The following TBC1D19 variants were observed in gnomAD, a reference collection of about 807,000 sequenced individuals.
TBC1D19 encodes TBC1 domain family member 19.
A neutral mutation model predicts 89.0 loss-of-function variants in TBC1D19; 60 were observed. The ratio of observed to expected loss-of-function variants is 0.67; its 90% confidence interval spans 0.55 to 0.84. The LOEUF (loss-of-function observed/expected upper bound fraction) is 0.84. TBC1D19 is among the 40% of genes least tolerant of loss of function. TBC1D19 has a pLI of 0.00. For missense variants in TBC1D19, 500 were observed against 610.8 expected, an observed-to-expected ratio of 0.82 and a Z score of 1.91; for synonymous variants, 189 against 199.7, an observed-to-expected ratio of 0.95 and a Z score of 0.45.
intron 13 of TBC1D19, among the ~76,000 whole-genome samples, chr4:26,715,862 A>G (rs1716563840): frequency 6.6e-6 from 1 of 152,082 alleles, no homozygotes; most frequent in African/African-American, 2.4e-5. Context: ...TGTGTCATAC[A>G]TCTGCCACAC....
chr4:26,593,950 G>A (rs1467551531), intron 1 of TBC1D19, among the ~76,000 whole-genome samples: 2 of 152,154 alleles, frequency 1.3e-5, no homozygotes, highest in African/African-American at 2.4e-5. Flanking sequence ...CAGGGATCTA[G>A]AACTAGAAAT....
At chr4:26,765,822 C>T in the TBC1D19 span, among the ~76,000 whole-genome samples, 2 of 152,286 alleles carry the variant, frequency 1.3e-5, no homozygotes, top group South Asian at 4.1e-4. Flanking sequence ...CCTCTCTTCT[C>T]TTCTGACTTC....
chr4:26,592,814 A>G (rs1157596356), intron 1 of TBC1D19, among the ~76,000 whole-genome samples: 1 of 152,126 alleles, frequency 6.6e-6, no homozygotes, highest in Non-Finnish European at 1.5e-5. Flanking sequence ...GAGAACTACA[A>G]ACCACTGCTC....
chr4:26,762,823 G>A, the TBC1D19 span, among the ~76,000 whole-genome samples: 1 of 152,158 alleles, frequency 6.6e-6, no homozygotes, highest in Non-Finnish European at 1.5e-5. Context: ...TTTAAAACTG[G>A]AGGAAAGGGC....
At chr4:26,845,566 CTACTT>C in the TBC1D19 span, among the ~76,000 whole-genome samples, 7 of 152,186 alleles carry the variant, frequency 4.6e-5, no homozygotes, top group Non-Finnish European at 1.0e-4. Context: ...AACCACTACT[CTACTT>C]TCTTTCTCTA....
intron 11 of TBC1D19, among the ~76,000 whole-genome samples, chr4:26,681,054 T>A (rs1713295002): frequency 6.6e-6 from 1 of 152,162 alleles, no homozygotes; most frequent in Non-Finnish European, 1.5e-5. Flanking sequence ...GGCCAATAAA[T>A]ATATGAAAGA....
intron 7 of TBC1D19, among the ~76,000 whole-genome samples, chr4:26,658,051 T>C (rs919682379): frequency 1.3e-5 from 2 of 152,230 alleles, no homozygotes; most frequent in African/African-American, 2.4e-5. Context: ...TTCACTCTGA[T>C]GATAGTTTCT....
rs1490160078 is a variant in TBC1D19 at position 26,638,577 on chromosome 4, A to G, written c.370-194A>G. Among the ~76,000 whole-genome samples, 4 of 152,152 alleles carry G rather than the reference A, an allele frequency of 2.6e-5. No homozygotes were observed. In the South Asian group the frequency reaches 8.3e-4, roughly 32 times the overall value. On this transcript the variant is annotated intron_variant, in intron 5 of 20. Transcript: ENST00000264866. ...ATTAGCACCATGTTCTAACTAAGCC[A>G]TTGAGACTAGATATAACATAATAGT... is the stretch of plus-strand genomic sequence containing the variant.
At chr4:26,822,968 C>A in the TBC1D19 span, among the ~76,000 whole-genome samples, 1 of 152,170 alleles carries the variant, frequency 6.6e-6, no homozygotes, top group Non-Finnish European at 1.5e-5. Context: ...ACCAGACTGA[C>A]CCTGCCCAGG....
chr4:26,620,525 A>T, intron 3 of TBC1D19, 88 bp from the exon 4 acceptor site: 1 of 1,072,892 alleles, frequency 9.3e-7, no homozygotes. Flanking sequence ...GTTACTGGGA[A>T]AACAGTTTAT....
chr4:26,791,329 G>A, the TBC1D19 span, among the ~76,000 whole-genome samples: 2 of 152,134 alleles, frequency 1.3e-5, no homozygotes, highest in Non-Finnish European at 2.9e-5. Flanking sequence ...GGATACAATG[G>A]TGAACAAAAT....
chr4:26,844,210 T>C, the TBC1D19 span, among the ~76,000 whole-genome samples: 2 of 152,166 alleles, frequency 1.3e-5, no homozygotes, highest in Non-Finnish European at 2.9e-5. Context: ...TTCAACGTCA[T>C]CCCAGACCCA....
chr4:26,613,119 A>G, intron 1 of TBC1D19, 50 bp from the exon 2 acceptor site: 1 of 1,251,112 alleles, frequency 8.0e-7, no homozygotes, highest in Non-Finnish European at 1.1e-6. Flanking sequence ...TTTACTTTGG[A>G]TATCTTTTCC....
At chr4:26,638,668 G>A (rs1743291399) in intron 5 of TBC1D19, 103 bp from the exon 6 acceptor site, 1 of 832,848 alleles carries the variant, frequency 1.2e-6, no homozygotes, top group East Asian at 2.6e-5. Flanking sequence ...TACTGTTATG[G>A]TCATTTATTT....
chr4:26,686,977 A>G (rs942901903), intron 12 of TBC1D19, among the ~76,000 whole-genome samples: 7 of 152,058 alleles, frequency 4.6e-5, no homozygotes, highest in African/African-American at 1.7e-4. Flanking sequence ...TGCCAGTGAG[A>G]TTGTAGACTG....
chr4:26,797,648 T>C, the TBC1D19 span, among the ~76,000 whole-genome samples: 1 of 152,204 alleles, frequency 6.6e-6, no homozygotes, highest in African/African-American at 2.4e-5. Flanking sequence ...CAAATTATGC[T>C]ACCAAACTAT....
intron 13 of TBC1D19, among the ~76,000 whole-genome samples, chr4:26,708,168 C>A (rs1715880895): frequency 6.6e-6 from 1 of 151,988 alleles, no homozygotes; most frequent in East Asian, 1.9e-4. Context: ...TCTTGAAGGT[C>A]AGGTCTCAGC....
chr4:26,832,519 A>C, the TBC1D19 span, among the ~76,000 whole-genome samples: 1 of 152,248 alleles, frequency 6.6e-6, no homozygotes, highest in Non-Finnish European at 1.5e-5. Flanking sequence ...CATTTGGAAT[A>C]ATTAGACATT....
intron 13 of TBC1D19, among the ~76,000 whole-genome samples, chr4:26,709,945 A>G (rs1264389752): frequency 1.3e-5 from 2 of 151,938 alleles, no homozygotes; most frequent in African/African-American, 4.8e-5. Context: ...AGCTATCAGG[A>G]CCCCAAGCCA....
Sources: allele counts gnomAD v4.1 joint callset (sites outside exome capture counted in the v4.1 genomes callset), GRCh38; gene constraint gnomAD v4.1.1; transcripts MANE v1.5; gene names NCBI Gene and HGNC (gene_info 2026-07-23, HGNC 2026-07-21).